The following MAP3K19 variants were observed in gnomAD, a reference collection of about 807,000 sequenced individuals.
The protein encoded by MAP3K19 is SPS1/STE20-related protein kinase YSK4.
MAP3K19 carries 91 observed loss-of-function variants against 114.4 expected under a neutral mutation model. The observed-to-expected ratio is 0.80, with a 90% confidence interval of 0.67 to 0.95. The LOEUF (loss-of-function observed/expected upper bound fraction) is 0.95, where lower values mean the gene tolerates loss of function less well. Among genes scored for constraint, MAP3K19 ranks in the 40% least tolerant of loss-of-function variants. MAP3K19 has a pLI of 0.00. For missense variants in MAP3K19, 1,471 were observed against 1,573.2 expected (o/e 0.94, Z 1.10); for synonymous variants, 518 against 530.5 (o/e 0.98, Z 0.32).
At chr2:135,002,698 A>G (rs893871869) in intron 6 of MAP3K19, among the ~76,000 whole-genome samples, 1 of 151,920 alleles carries the variant, frequency 6.6e-6, no homozygotes, top group Non-Finnish European at 1.5e-5. Context: ...TGTGAGTTAC[A>G]TGAAAAAAGA....
At chr2:135,000,954 G>C (rs1343113419) in intron 6 of MAP3K19, among the ~76,000 whole-genome samples, 1 of 152,040 alleles carries the variant, frequency 6.6e-6, no homozygotes, top group Non-Finnish European at 1.5e-5. Context: ...GCCACTACCT[G>C]GGTGACCTTG....
chr2:135,024,692 A>G lies in MAP3K19; in HGVS notation c.-45T>C. 1 of 1,568,826 alleles carries G rather than the reference A, an allele frequency of 6.4e-7. No individual in the cohort carries two copies. The highest frequency in any genetic ancestry group is 8.8e-7 in the Non-Finnish European group (1 of 1,140,532). ...TGTTTCTTTGAACTCTCTATTTGTG[A>G]CACATAATGTATTGCTGATTTTCCA... On this transcript the variant is annotated 5_prime_UTR_variant, in exon 4 of 13. Transcript: ENST00000392915.
At position 135,047,343 on chromosome 2, in the gene MAP3K19, T is replaced by G. The variant is rs575404527; in HGVS notation, c.-582A>C. ...ATTTAAAAACAGCATAGATTCAGATTTTTTTTTCAGTGTTGTACAGCCCAA... is the reference window on the plus strand; with the variant it reads ...ATTTAAAAACAGCATAGATTCAGATGTTTTTTTCAGTGTTGTACAGCCCAA... On this transcript the variant is annotated 5_prime_UTR_variant, in exon 1 of 13. Transcript: ENST00000392915. 6.6e-6 allele frequency: 1 copy of G among 152,230 alleles called. No individual in the cohort carries two copies. The highest frequency in any genetic ancestry group is 1.9e-4 in the East Asian group (1 of 5,182). The allele number at this position is 152,230 out of a possible 1,614,324, so 9.4% of individuals were successfully genotyped here. A position where few individuals can be genotyped will look rare whatever the true frequency, so the allele number is the denominator to read the frequency against.
In MAP3K19 at chr2:134,968,271, A is replaced by G. The variant is rs1001117556; in HGVS notation, c.3921-3355T>C. Among the ~76,000 whole-genome samples, 48 of 152,096 alleles carry G rather than the reference A, an allele frequency of 3.2e-4. 1 individual carries two copies. Among genetic ancestry groups the G allele is most frequent in the Non-Finnish European group, 1.5e-4 (10 of 68,016 alleles). On this transcript the variant is annotated intron_variant, in intron 12 of 12. Transcript: ENST00000392915. ...CCCATGTATACTTCTTTCTACACAG[A>G]CACGGCAACCATCCGATTTCTCAGT...
At chr2:135,029,452 T>G (rs1401335538) in intron 3 of MAP3K19, among the ~76,000 whole-genome samples, 1 of 152,192 alleles carries the variant, frequency 6.6e-6, no homozygotes, top group Non-Finnish European at 1.5e-5. Flanking sequence ...TAAAATACAT[T>G]GTCTTTCAAA....
At position 134,999,837 on chromosome 2, in the gene MAP3K19, G is replaced by T; in HGVS notation, c.314+100C>A. On this transcript the variant is annotated intron_variant, in intron 7 of 12. Coordinates refer to ENST00000392915, the MANE Select transcript of MAP3K19 (RefSeq NM_025052.5). The surrounding 1 kb of genome is among the most constrained non-coding windows in gnomAD (Gnocchi z 4.1). ...TATTTATTGTGACCTCTACTTTTAA[G>T]CATTATTATGGATTCAATTACTAAT... is the stretch of plus-strand genomic sequence containing the variant. 1.2e-6 allele frequency: 1 copy of T among 806,250 alleles called. No homozygotes were observed. Among genetic ancestry groups the T allele is most frequent in the Non-Finnish European group, 2.1e-6 (1 of 473,026 alleles). The allele number at this position is 806,250 out of a possible 1,614,324, so 49.9% of individuals were successfully genotyped here. A position where few individuals can be genotyped will look rare whatever the true frequency, so the allele number is the denominator to read the frequency against.
At chr2:135,046,293 G>T (rs1157486408) in intron 1 of MAP3K19, among the ~76,000 whole-genome samples, 1 of 151,720 alleles carries the variant, frequency 6.6e-6, no homozygotes, top group African/African-American at 2.4e-5. Context: ...TGTTGTTGTT[G>T]TTGTTACAGA....
chr2:135,040,870 A>T (rs1688632523), intron 1 of MAP3K19, among the ~76,000 whole-genome samples: 1 of 152,198 alleles, frequency 6.6e-6, no homozygotes, highest in East Asian at 1.9e-4. Context: ...TAGAACCTGG[A>T]TTTAAATTCC....
intron 4 of MAP3K19, chr2:135,023,242 C>T: frequency 2.9e-6 from 1 of 343,530 alleles, no homozygotes; most frequent in Non-Finnish European, 5.8e-6. Flanking sequence ...TCCAATTTAA[C>T]ATTGTTTCCT....
At position 135,033,683 on chromosome 2, in the gene MAP3K19, G is replaced by A. The variant is rs1349299769; in HGVS notation, c.-283-3183C>T. Among the ~76,000 whole-genome samples the A allele has an allele frequency of 6.4e-5, 4 of 62,444 alleles. 1 individual carries two copies. The highest frequency in any genetic ancestry group is 1.1e-4 in the African/African-American group (1 of 8,910). The allele number at this position is 62,444 out of a possible 152,430, so 41.0% of individuals were successfully genotyped here. On this transcript the variant is annotated intron_variant, in intron 2 of 12. Transcript: ENST00000392915. ...GGCGCCCCCCACCCCCCGGACGGGC[G>A]GCCGGCCGGGGGGGCTAACCCCCCC...
intron 5 of MAP3K19, among the ~76,000 whole-genome samples, chr2:135,010,185 T>A (rs1340272580): frequency 6.7e-6 from 1 of 150,018 alleles, no homozygotes; most frequent in Non-Finnish European, 1.5e-5. Flanking sequence ...ATAGAAAAAA[T>A]AATAATAAAA....
intron 4 of MAP3K19, among the ~76,000 whole-genome samples, chr2:135,022,804 T>G (rs535474781): frequency 6.6e-6 from 1 of 152,324 alleles, no homozygotes; most frequent in South Asian, 2.1e-4. Flanking sequence ...GTAGGCAAAG[T>G]TGCTAAGTGA....
intron 5 of MAP3K19, among the ~76,000 whole-genome samples, chr2:135,010,814 A>G (rs1687167247): frequency 6.6e-6 from 1 of 152,008 alleles, no homozygotes; most frequent in Non-Finnish European, 1.5e-5. Context: ...ATTTTTTTGT[A>G]GAGACAAAGT....
chr2:135,013,851 A>G (rs1033109706), intron 5 of MAP3K19, among the ~76,000 whole-genome samples: 1 of 152,026 alleles, frequency 6.6e-6, no homozygotes, highest in Non-Finnish European at 1.5e-5. Context: ...CATTATACCA[A>G]TGATTCCCTC....
rs1393638225 is a variant in MAP3K19, at chr2:135,033,697, G to T, written c.-283-3197C>A. Among the ~76,000 whole-genome samples the T allele has an allele frequency of 2.2e-5, 2 of 90,228 alleles. 1 individual carries two copies. The highest frequency in any genetic ancestry group is 2.1e-4 in the Admixed American group (2 of 9,480). The allele number at this position is 90,228 out of a possible 152,430, so 59.2% of individuals were successfully genotyped here. A position where few individuals can be genotyped will look rare whatever the true frequency, so the allele number is the denominator to read the frequency against. On this transcript the variant is annotated intron_variant, in intron 2 of 12. Coordinates refer to ENST00000392915, the MANE Select transcript of MAP3K19 (RefSeq NM_025052.5). The stretch of plus-strand genomic sequence containing the variant: ...CCCGGACGGGCGGCCGGCCGGGGGG[G>T]CTAACCCCCCCCACCTCCCTCCCGG...
rs139319689 is a variant in MAP3K19 at position 134,987,464 on chromosome 2, T to C, written c.1408A>G (p.Ile470Val). Residue 470 changes from isoleucine (I) to valine (V), a missense_variant, in exon 10 of 13, where the codon ATA becomes GTA. By Grantham distance (29) the Ile-to-Val change is conservative (BLOSUM62 3). Transcript: ENST00000392915. Reference protein sequence around the residue: ...SSMETNIKISIAERAKPEMSR... With the variant: ...SSMETNIKISVAERAKPEMSR... ...ATTTCTGGTTTGGCTCTTTCTGCTA[T>C]TGATATTTTTATGTTTGTCTCCATG... is the stretch of plus-strand genomic sequence containing the variant. The C allele has an allele frequency of 4.9e-4, 793 of 1,614,210 alleles. No homozygotes were observed. In the African/African-American group the frequency reaches 6.4e-3, roughly 13 times the overall value.
intron 12 of MAP3K19, among the ~76,000 whole-genome samples, chr2:134,969,220 C>T (rs989149981): frequency 3.9e-5 from 6 of 152,050 alleles, no homozygotes; most frequent in African/African-American, 7.2e-5. Flanking sequence ...GGTGTGGCGG[C>T]GCGTGCCTGT....
At chr2:134,984,135 CT>C (rs1684919836) in intron 10 of MAP3K19, among the ~76,000 whole-genome samples, 1 of 152,180 alleles carries the variant, frequency 6.6e-6, no homozygotes, top group Admixed American at 6.5e-5. Context: ...TGAGAATTAT[CT>C]TTCACAAGGT....
chr2:135,008,444 C>T (rs1182117640), intron 5 of MAP3K19, among the ~76,000 whole-genome samples: 5 of 152,010 alleles, frequency 3.3e-5, no homozygotes, highest in African/African-American at 4.8e-5. Context: ...TAATAAGCCC[C>T]GTTAGTCTTA....
Sources: allele counts gnomAD v4.1 joint callset (sites outside exome capture counted in the v4.1 genomes callset), GRCh38; gene constraint gnomAD v4.1.1; non-coding constraint Gnocchi (gnomAD v3.1); transcripts MANE v1.5; gene names NCBI Gene and HGNC (gene_info 2026-07-23, HGNC 2026-07-21).